Variants in FGD5 observed in about 807,000 individuals in gnomAD.
FGD5 encodes the protein FYVE, RhoGEF and PH domain-containing protein 5.
FGD5 carries 28 observed loss-of-function variants against 133.4 expected under a neutral mutation model. That is an observed-to-expected ratio of 0.21 (90% CI 0.16 to 0.29). The LOEUF (loss-of-function observed/expected upper bound fraction) is 0.29. FGD5 is among the 10% of genes least tolerant of loss of function. The probability of loss-of-function intolerance (pLI) is 1.00; values close to 1 mark genes in which losing one functional copy is unlikely to be tolerated. For synonymous variants in FGD5, 810 were observed against 776.5 expected (o/e 1.04, Z -0.72); for missense variants, 1,858 against 1,895.2 (o/e 0.98, Z 0.36).
At position 14,820,753 on chromosome 3, in the gene FGD5, C is replaced by G; in HGVS notation, c.1682C>G (p.Ser561Cys). 1 of 1,611,614 alleles carries G rather than the reference C, an allele frequency of 6.2e-7. No individual in the cohort carries two copies. The highest frequency in any genetic ancestry group is 8.5e-7 in the Non-Finnish European group (1 of 1,179,030). Residue 561 changes from serine to cysteine, a missense_variant, in exon 1 of 20, where the codon TCC becomes TGC. Transcript: ENST00000285046. The part of the protein sequence containing the change: ...FSVEGREIPV[S>C]VYQEPEGSGL... ...GTGGAAGGCCGAGAGATTCCAGTGTCCGTGTACCAGGAGCCTGAGGGGTCA... is the reference window on the plus strand; with the variant it reads ...GTGGAAGGCCGAGAGATTCCAGTGTGCGTGTACCAGGAGCCTGAGGGGTCA...
intron 1 of FGD5, among the ~76,000 whole-genome samples, chr3:14,833,301 G>A (rs764163228): frequency 2.6e-5 from 4 of 152,172 alleles, no homozygotes; most frequent in African/African-American, 7.2e-5. Context: ...CATGCACAGG[G>A]TTGGGTTAGA....
intron 1 of FGD5, among the ~76,000 whole-genome samples, chr3:14,854,881 C>A (rs1680946508): frequency 6.6e-6 from 1 of 152,222 alleles, no homozygotes; most frequent in East Asian, 1.9e-4. Flanking sequence ...ATATCCTCCT[C>A]CTAGCTATTT....
intron 1 of FGD5, among the ~76,000 whole-genome samples, chr3:14,844,209 AAAAAAAAAATATATATATATATAT>A (rs1381603027): frequency 3.3e-4 from 9 of 26,906 alleles, no homozygotes; most frequent in Admixed American, 5.5e-4. Context: ...GGCATTAAAA[AAAAAAAAAATATATATATATATAT>A]ATATATATAT....
At chr3:14,839,874 A>C (rs2036884696) in intron 1 of FGD5, among the ~76,000 whole-genome samples, 1 of 152,146 alleles carries the variant, frequency 6.6e-6, no homozygotes, top group Non-Finnish European at 1.5e-5. Flanking sequence ...CAGAGCTTGC[A>C]GTCAGTCGAG....
intron 1 of FGD5, among the ~76,000 whole-genome samples, chr3:14,846,292 G>A (rs951173345): frequency 1.4e-4 from 22 of 152,094 alleles, no homozygotes; most frequent in African/African-American, 5.1e-4. Context: ...GGAGGAGGGT[G>A]CCATCCTCAG....
upstream of FGD5, among the ~76,000 whole-genome samples, chr3:14,815,294 G>A (rs1191968176): frequency 6.6e-6 from 1 of 150,976 alleles, no homozygotes; most frequent in African/African-American, 2.4e-5. Context: ...CCACTTTCGT[G>A]TCTTTGCTCA....
At chr3:14,812,036 A>ATGTGTG (rs56994528) in intron 1 of FGD5, among the ~76,000 whole-genome samples, 19 of 148,092 alleles carry the variant, frequency 1.3e-4, no homozygotes, top group Non-Finnish European at 2.1e-4. Flanking sequence ...GTGTGTATGT[A>ATGTGTG]TGTGTGTGTG....
Position 14,864,145 on chromosome 3 carries a change from A to G in FGD5, c.2543A>G (p.Tyr848Cys), listed in dbSNP as rs1454619181. The stretch of plus-strand genomic sequence containing the variant: ...TGACCCAGCGCCTACACAGAGCCCT[A>G]CAAAGTCTGTCCCATCTCGTCGGCA... Reference protein sequence around the residue: ...QDAESAYTEPYKVCPISSAAP... With the variant: ...QDAESAYTEPCKVCPISSAAP... The change falls in exon 2 of 20, where the codon TAC (tyrosine) becomes TGC (cysteine). Residue 848 changes from tyrosine to cysteine, a missense_variant. Physicochemically the swap from Tyr to Cys is radical, Grantham distance 194 (BLOSUM62 -2). Coordinates refer to ENST00000285046, the MANE Select transcript of FGD5 (RefSeq NM_152536.4). The G allele has an allele frequency of 1.9e-6, 3 of 1,613,802 alleles. No homozygotes were observed. Among genetic ancestry groups the G allele is most frequent in the Middle Eastern group, 1.6e-4 (1 of 6,084 alleles).
At chr3:14,927,181 A>C (rs1196410998) in intron 18 of FGD5, among the ~76,000 whole-genome samples, 2 of 152,230 alleles carry the variant, frequency 1.3e-5, no homozygotes, top group African/African-American at 4.8e-5. Context: ...CATAGGCCTG[A>C]GCGGCTTGGG....
chr3:14,876,032 A>C (rs1368569860), intron 2 of FGD5, among the ~76,000 whole-genome samples: 1 of 152,170 alleles, frequency 6.6e-6, no homozygotes, highest in Non-Finnish European at 1.5e-5. Flanking sequence ...AAGGCCGAGC[A>C]GGTGTGGACC....
chr3:14,854,240 C>T (rs1438694195), intron 1 of FGD5, among the ~76,000 whole-genome samples: 1 of 152,096 alleles, frequency 6.6e-6, no homozygotes, highest in Non-Finnish European at 1.5e-5. Context: ...TGGCCCTTTT[C>T]CCGTTTTCCC....
chr3:14,849,826 A>G (rs1317364844), intron 1 of FGD5, among the ~76,000 whole-genome samples: 1 of 152,138 alleles, frequency 6.6e-6, no homozygotes, highest in Non-Finnish European at 1.5e-5. Flanking sequence ...GGAAGAAGCC[A>G]TAGAGCACCT....
intron 2 of FGD5, among the ~76,000 whole-genome samples, chr3:14,876,551 AC>A (rs2037723469): frequency 6.6e-6 from 1 of 152,086 alleles, no homozygotes; most frequent in South Asian, 2.1e-4. Flanking sequence ...TAAATAAACC[AC>A]CCTGTTTTCT....
rs2038178977 is a variant in FGD5, at chr3:14,898,581, G to C, written c.3067-158G>C. Among the ~76,000 whole-genome samples the C allele has an allele frequency of 2.6e-5, 4 of 152,234 alleles. No individual in the cohort carries two copies. In the South Asian group the frequency reaches 8.3e-4, roughly 32 times the overall value. On this transcript the variant is annotated intron_variant, in intron 6 of 19. Transcript: ENST00000285046. ...CAGCAGGGCCGGGCTAATCCAGGAG[G>C]GCTTCCCGCAGGAGGAGAACCTGGT... is the stretch of plus-strand genomic sequence containing the variant.
At chr3:14,911,893 T>C (rs549042941) in intron 11 of FGD5, among the ~76,000 whole-genome samples, 17 of 151,398 alleles carry the variant, frequency 1.1e-4, no homozygotes, top group African/African-American at 3.4e-4. Flanking sequence ...GTGCGCACAC[T>C]GTGCTCAGTG....
chr3:14,872,576 G>A (rs1170616916), intron 2 of FGD5, among the ~76,000 whole-genome samples: 2 of 152,176 alleles, frequency 1.3e-5, no homozygotes, highest in Non-Finnish European at 2.9e-5. Flanking sequence ...GAGGAGCTGT[G>A]GATATTCATA....
At chr3:14,906,549 C>A (rs1310206260) in intron 9 of FGD5, among the ~76,000 whole-genome samples, 1 of 152,200 alleles carries the variant, frequency 6.6e-6, no homozygotes, top group Non-Finnish European at 1.5e-5. Context: ...TTGCATGTGG[C>A]CCCACCTTGC....
chr3:14,826,083 A>T (rs192089231), intron 1 of FGD5, among the ~76,000 whole-genome samples: 18 of 152,342 alleles, frequency 1.2e-4, no homozygotes, highest in African/African-American at 4.3e-4. Flanking sequence ...TTTGCATGAT[A>T]GCAGTCAGCA....
intron 4 of FGD5, among the ~76,000 whole-genome samples, chr3:14,886,856 A>G (rs1166360848): frequency 6.6e-6 from 1 of 151,980 alleles, no homozygotes; most frequent in East Asian, 1.9e-4. Flanking sequence ...GCTGATTTCT[A>G]ATTTATCCTT....
Sources: allele counts gnomAD v4.1 joint callset (sites outside exome capture counted in the v4.1 genomes callset), GRCh38; gene constraint gnomAD v4.1.1; transcripts MANE v1.5; gene names NCBI Gene and HGNC (gene_info 2026-07-23, HGNC 2026-07-21).